The following ARHGAP39 variants were observed in gnomAD, a reference collection of about 807,000 sequenced individuals.
ARHGAP39 encodes the protein Rho GTPase activating protein 39, also known as rho GTPase-activating protein 39.
Under a neutral mutation model 106.9 loss-of-function variants are expected in ARHGAP39, and 44 were observed. That is an observed-to-expected ratio of 0.41 (90% CI 0.32 to 0.53). ARHGAP39 has a LOEUF of 0.53. ARHGAP39 is among the 20% of genes least tolerant of loss of function. ARHGAP39 has a pLI of 0.21. For missense variants in ARHGAP39, 1,496 were observed against 1,577.3 expected (o/e 0.95, Z 0.87); for synonymous variants, 768 against 693.2 (o/e 1.11, Z -1.69).
At chr8:144,632,334 C>A (rs527291184) in intron 1 of ARHGAP39, among the ~76,000 whole-genome samples, 1 of 152,198 alleles carries the variant, frequency 6.6e-6, no homozygotes, top group South Asian at 2.1e-4. Flanking sequence ...AGCTGCAGAG[C>A]CCACCTCCCG....
rs769509660 is a variant in ARHGAP39, at chr8:144,533,345, G to A, written c.2689-20C>T. Reference sequence around the variant, plus strand: ...CAGCCCCTGTGAAGACAGAGGCTCCGTCCTGGTCTGGCCTGGCCATCCTCA... The same window carrying A: ...CAGCCCCTGTGAAGACAGAGGCTCCATCCTGGTCTGGCCTGGCCATCCTCA... On this transcript the variant is annotated intron_variant, in intron 8 of 11. Coordinates refer to ENST00000377307, the MANE Select transcript of ARHGAP39 (RefSeq NM_025251.3). 2.4e-5 allele frequency: 38 copies of A among 1,606,938 alleles called. No individual in the cohort carries two copies. Among genetic ancestry groups the A allele is most frequent in the African/African-American group, 4.0e-5 (3 of 74,932 alleles).
Position 144,600,037 on chromosome 8 carries a change from G to A in ARHGAP39, c.80+5498C>T, listed in dbSNP as rs144942574. Among the ~76,000 whole-genome samples, 465 of 152,346 alleles carry A rather than the reference G, an allele frequency of 3.1e-3. 6 individuals carry two copies. In the East Asian group the frequency reaches 0.04, roughly 13 times the overall value. On this transcript the variant is annotated intron_variant, in intron 2 of 11. Coordinates refer to ENST00000377307, the MANE Select transcript of ARHGAP39 (RefSeq NM_025251.3). ...CAGCATTTCTAGGAGGCGTTTGTGC[G>A]CGTGGAGGCATGCATGCATGTTCAT... is the stretch of plus-strand genomic sequence containing the variant.
chr8:144,693,522 C>T, the ARHGAP39 span, among the ~76,000 whole-genome samples: 43 of 152,076 alleles, frequency 2.8e-4, no homozygotes, highest in South Asian at 2.3e-3. Flanking sequence ...TACAGGCGCC[C>T]GCTGCCACCC....
chr8:144,584,969 T>C (rs1563687971), intron 2 of ARHGAP39, among the ~76,000 whole-genome samples: 1 of 152,108 alleles, frequency 6.6e-6, no homozygotes, highest in Non-Finnish European at 1.5e-5. Context: ...TTCTTCTCTG[T>C]GAAACTGAGA....
At chr8:144,622,215 G>T (rs561435573) in intron 1 of ARHGAP39, among the ~76,000 whole-genome samples, 48 of 152,278 alleles carry the variant, frequency 3.2e-4, no homozygotes, top group Non-Finnish European at 5.9e-4. Context: ...CGGGCAAAGC[G>T]TGGGGGCCTT....
At chr8:144,533,044 T>A (rs961265548) in intron 9 of ARHGAP39, 82 bp downstream of exon 9, 1 of 1,512,232 alleles carries the variant, frequency 6.6e-7, no homozygotes, top group Non-Finnish European at 8.9e-7. Flanking sequence ...GGCCTGAGGC[T>A]TAATGGCCCC....
At chr8:144,681,613 T>C (rs981180089) in intron 1 of ARHGAP39, among the ~76,000 whole-genome samples, 1 of 152,188 alleles carries the variant, frequency 6.6e-6, no homozygotes, top group Admixed American at 6.5e-5. Flanking sequence ...TTCTCTGAAC[T>C]ACTATTGATA....
intron 1 of ARHGAP39, among the ~76,000 whole-genome samples, chr8:144,675,852 G>C (rs55945593): frequency 0.062 from 9,363 of 151,448 alleles, 406 homozygotes; most frequent in Non-Finnish European, 0.087. Context: ...GGAGTTGTTC[G>C]TTCCCTCCGG....
At position 144,581,158 on chromosome 8, in the gene ARHGAP39, T is replaced by C; in HGVS notation, c.200A>G (p.Asn67Ser). The C allele has an allele frequency of 1.3e-6, 2 of 1,574,504 alleles. No individual in the cohort carries two copies. Among genetic ancestry groups the C allele is most frequent in the South Asian group, 2.3e-5 (2 of 85,954 alleles). The change falls in exon 3 of 12, where the codon AAC becomes AGC. Residue 67 changes from asparagine (N) to serine (S), a missense_variant. Transcript: ENST00000377307. ...AGVRIKRTSE[N>S]QWWELFDPNT... is the part of the protein sequence containing the mutation. ...GGGGTCGAACAGCTCCCACCACTGG[T>C]TCTCGCTGGTGCGCTTGATGCGGAC... is the stretch of plus-strand genomic sequence containing the variant.
chr8:144,587,406 G>C (rs1416170438), intron 2 of ARHGAP39, among the ~76,000 whole-genome samples: 1 of 152,244 alleles, frequency 6.6e-6, no homozygotes, highest in Admixed American at 6.5e-5. Context: ...AGTTTCTACA[G>C]AGGAAGGAAA....
intron 1 of ARHGAP39, among the ~76,000 whole-genome samples, chr8:144,678,142 T>C (rs1822291172): frequency 1.3e-5 from 2 of 152,070 alleles, no homozygotes; most frequent in South Asian, 2.1e-4. Context: ...CCATGGCTCA[T>C]GTCTACAATC....
chr8:144,648,674 G>A (rs1356641963), intron 1 of ARHGAP39, among the ~76,000 whole-genome samples: 1 of 152,224 alleles, frequency 6.6e-6, no homozygotes, highest in Non-Finnish European at 1.5e-5. Context: ...TGCAGAGCCA[G>A]CTCAACCCTA....
At chr8:144,574,408 T>A (rs189120668) in intron 3 of ARHGAP39, among the ~76,000 whole-genome samples, 6 of 152,000 alleles carry the variant, frequency 3.9e-5, no homozygotes, top group Non-Finnish European at 8.8e-5. Context: ...TGGTGGCTCA[T>A]GCCTGTAATC....
At chr8:144,648,489 A>G (rs925492803) in intron 1 of ARHGAP39, among the ~76,000 whole-genome samples, 7 of 152,248 alleles carry the variant, frequency 4.6e-5, no homozygotes, top group Non-Finnish European at 8.8e-5. Context: ...CGTTCCAGAA[A>G]GAAAACAGCC....
intron 3 of ARHGAP39, among the ~76,000 whole-genome samples, chr8:144,560,455 A>G (rs1818101368): frequency 6.6e-6 from 1 of 152,232 alleles, no homozygotes. Flanking sequence ...AACAAAATAA[A>G]AAAACAAATG....
intron 1 of ARHGAP39, among the ~76,000 whole-genome samples, chr8:144,673,848 G>A (rs985119814): frequency 2.0e-5 from 3 of 152,262 alleles, no homozygotes; most frequent in Non-Finnish European, 4.4e-5. Context: ...TCAGGCCACC[G>A]TGCATAGCCA....
At chr8:144,613,212 CCTCT>C (rs1225919412) in intron 1 of ARHGAP39, among the ~76,000 whole-genome samples, 1 of 152,126 alleles carries the variant, frequency 6.6e-6, no homozygotes, top group African/African-American at 2.4e-5. Context: ...GTTATAAATT[CCTCT>C]CTGTTACACA....
In ARHGAP39 at chr8:144,547,967, G is replaced by A. The variant is rs1002352263; in HGVS notation, c.1119C>T (p.Leu373=). 2 of 1,606,934 alleles carry A rather than the reference G, an allele frequency of 1.2e-6. No homozygotes were observed. Among genetic ancestry groups the A allele is most frequent in the Non-Finnish European group, 8.5e-7 (1 of 1,177,452 alleles). Residue 373 remains leucine (L), a synonymous_variant, in exon 5 of 12, where the codon CTC becomes CTT. Transcript: ENST00000377307. This position sits in a 1 kb window ranked among gnomAD's most constrained non-coding sequence, Gnocchi z 5.2. Reference sequence around the variant, plus strand: ...AGCGCTCGGGACACTTCTGCTTGGTGAGCACCAGCTGCTGGCAGGGCGAGG... The same window carrying A: ...AGCGCTCGGGACACTTCTGCTTGGTAAGCACCAGCTGCTGGCAGGGCGAGG... The part of the protein sequence containing the change: ...GPPSPCQQLV[L]TKQKCPERFL...
chr8:144,575,859 G>A (rs1456787167), intron 3 of ARHGAP39, among the ~76,000 whole-genome samples: 6 of 152,184 alleles, frequency 3.9e-5, no homozygotes, highest in Non-Finnish European at 8.8e-5. Flanking sequence ...AGACTTGCGA[G>A]TACGGTGTTG....
Sources: allele counts gnomAD v4.1 joint callset (sites outside exome capture counted in the v4.1 genomes callset), GRCh38; gene constraint gnomAD v4.1.1; non-coding constraint Gnocchi (gnomAD v3.1); transcripts MANE v1.5; gene names NCBI Gene and HGNC (gene_info 2026-07-23, HGNC 2026-07-21).